PTPRD: variants seen among roughly 807,000 people sequenced by gnomAD.
PTPRD encodes the protein receptor-type tyrosine-protein phosphatase delta.
Under a neutral mutation model 214.5 loss-of-function variants are expected in PTPRD, and 34 were observed. The observed-to-expected ratio is 0.16, with a 90% CI of 0.12 to 0.21. The LOEUF (loss-of-function observed/expected upper bound fraction) is 0.21, where lower values mean the gene tolerates loss of function less well. Among genes scored for constraint, PTPRD ranks in the 10% least tolerant of loss-of-function variants. The probability of loss-of-function intolerance (pLI) is 1.00; values close to 1 mark genes in which losing one functional copy is unlikely to be tolerated. For missense variants in PTPRD, 2,545 were observed against 2,398.7 expected, an observed-to-expected ratio of 1.06 and a Z score of -1.27; for synonymous variants, 1,128 against 845.7, an observed-to-expected ratio of 1.33 and a Z score of -5.79.
intron 11 of PTPRD, among the ~76,000 whole-genome samples, chr9:8,825,731 T>C (rs1446605208): frequency 6.6e-6 from 1 of 152,200 alleles, no homozygotes; most frequent in African/African-American, 2.4e-5. Flanking sequence ...TTGCCCATTG[T>C]TATGGTTATT....
chr9:8,853,403 T>A (rs2097855281), intron 11 of PTPRD, among the ~76,000 whole-genome samples: 1 of 152,182 alleles, frequency 6.6e-6, no homozygotes, highest in Non-Finnish European at 1.5e-5. Flanking sequence ...AGAGTTGAAA[T>A]CCATTTTTAT....
intron 11 of PTPRD, among the ~76,000 whole-genome samples, chr9:8,915,135 G>A (rs1432928712): frequency 6.6e-6 from 1 of 152,120 alleles, no homozygotes; most frequent in African/African-American, 2.4e-5. Context: ...AGTCTCATAT[G>A]TCATGCTCAG....
intron 14 of PTPRD, among the ~76,000 whole-genome samples, chr9:8,619,916 TC>T (rs1177097114): frequency 6.6e-6 from 1 of 151,942 alleles, no homozygotes; most frequent in Non-Finnish European, 1.5e-5. Context: ...AACTTTAGAG[TC>T]AGAAAATCTG....
chr9:8,768,681 CTGTTT>C (rs1240986204), intron 11 of PTPRD, among the ~76,000 whole-genome samples: 2 of 152,182 alleles, frequency 1.3e-5, no homozygotes, highest in Non-Finnish European at 1.5e-5. Context: ...ACTGTTGTTA[CTGTTT>C]TATTTTTCCC....
At chr9:9,465,775 T>A (rs10977785) in intron 8 of PTPRD, among the ~76,000 whole-genome samples, 1 of 151,938 alleles carries the variant, frequency 6.6e-6, no homozygotes, top group Admixed American at 6.6e-5. Flanking sequence ...TATTGTTACA[T>A]CTATGTCAGG....
At chr9:10,405,505 T>G (rs74760705) in intron 2 of PTPRD, among the ~76,000 whole-genome samples, 1 of 133,788 alleles carries the variant, frequency 7.5e-6, no homozygotes, top group Non-Finnish European at 1.6e-5. Context: ...ATATATAGAA[T>G]ATGATTAATT....
rs796526288 is a variant in PTPRD at position 8,335,232 on chromosome 9, G to A, written c.5380-3496C>T. On this transcript the variant is annotated intron_variant, in intron 43 of 45. Coordinates refer to ENST00000381196, the MANE Select transcript of PTPRD (RefSeq NM_002839.4). ...CAGGCCAATATCCCTGATGAACATCGATGCCAAAATCCTCAGTACTGGCAA... is the reference window on the plus strand; with the variant it reads ...CAGGCCAATATCCCTGATGAACATCAATGCCAAAATCCTCAGTACTGGCAA... 6.8e-4 allele frequency among the ~76,000 whole-genome samples: 101 copies of A among 149,356 alleles called. No individual in the cohort carries two copies. In the South Asian group the frequency reaches 0.016, roughly 24 times the overall value.
At chr9:9,475,878 C>T (rs764745382) in intron 8 of PTPRD, among the ~76,000 whole-genome samples, 1 of 152,222 alleles carries the variant, frequency 6.6e-6, no homozygotes, top group East Asian at 1.9e-4. Context: ...TAGAAATAGG[C>T]TTTGGCCTAT....
At chr9:9,158,440 A>G (rs185824398) in intron 10 of PTPRD, among the ~76,000 whole-genome samples, 4 of 152,110 alleles carry the variant, frequency 2.6e-5, no homozygotes, top group African/African-American at 9.6e-5. Flanking sequence ...TCTCTACTAA[A>G]AATACAAAAA....
intron 9 of PTPRD, among the ~76,000 whole-genome samples, chr9:9,217,048 AT>A (rs1214683551): frequency 6.6e-6 from 1 of 151,910 alleles, no homozygotes; most frequent in Non-Finnish European, 1.5e-5. Context: ...CAGTGTTAAC[AT>A]TTTTTTTAAT....
At chr9:9,742,572 T>G (rs966235714) in intron 6 of PTPRD, among the ~76,000 whole-genome samples, 1 of 152,138 alleles carries the variant, frequency 6.6e-6, no homozygotes, top group African/African-American at 2.4e-5. Context: ...GTAGCTCTTG[T>G]TTAGGAACAT....
chr9:9,004,207 A>T (rs889884802), intron 11 of PTPRD, among the ~76,000 whole-genome samples: 5 of 152,010 alleles, frequency 3.3e-5, no homozygotes, highest in Non-Finnish European at 7.4e-5. Flanking sequence ...TAGTGGTATA[A>T]TCTGTAATTT....
At chr9:8,358,842 G>A (rs1468480056) in intron 39 of PTPRD, among the ~76,000 whole-genome samples, 2 of 151,852 alleles carry the variant, frequency 1.3e-5, no homozygotes, top group Non-Finnish European at 2.9e-5. Flanking sequence ...AATTGAATCA[G>A]ATTTCTTGTA....
chr9:9,925,736 G>T (rs532393881), intron 5 of PTPRD, among the ~76,000 whole-genome samples: 2 of 151,828 alleles, frequency 1.3e-5, no homozygotes, highest in East Asian at 3.9e-4. Context: ...TTTCTTCTAT[G>T]CACCTTTTTT....
rs76536022 is a variant in PTPRD at position 8,915,975 on chromosome 9, T to C, written c.-104+102722A>G. 4.4e-3 allele frequency among the ~76,000 whole-genome samples: 670 copies of C among 152,300 alleles called. 7 individuals are homozygous for C. The highest frequency in any genetic ancestry group is 0.016 in the African/African-American group (650 of 41,574). ...CAGGAATGAAGGAGAAGAAGGTGTT[T>C]AGAAAGATCCCTGTCTTTCTGATGT... On this transcript the variant is annotated intron_variant, in intron 11 of 45. Transcript: ENST00000381196.
intron 11 of PTPRD, among the ~76,000 whole-genome samples, chr9:8,869,244 A>G (rs1444620750): frequency 6.6e-6 from 1 of 152,172 alleles, no homozygotes; most frequent in Non-Finnish European, 1.5e-5. Context: ...TAAGGAATTC[A>G]TTTTCTTGAG....
intron 12 of PTPRD, among the ~76,000 whole-genome samples, chr9:8,724,002 T>G (rs1407445539): frequency 2.0e-5 from 3 of 152,220 alleles, no homozygotes; most frequent in African/African-American, 7.2e-5. Context: ...ACAGTGAATT[T>G]AAAACTTTTA....
At chr9:9,765,576 A>T (rs1430616609) in intron 6 of PTPRD, among the ~76,000 whole-genome samples, 1 of 152,208 alleles carries the variant, frequency 6.6e-6, no homozygotes, top group Non-Finnish European at 1.5e-5. Context: ...GACATTGTGA[A>T]TCTATTCAAT....
intron 5 of PTPRD, among the ~76,000 whole-genome samples, chr9:9,872,785 T>C (rs1190521984): frequency 2.0e-5 from 3 of 152,090 alleles, no homozygotes; most frequent in African/African-American, 7.2e-5. Context: ...AAAAAAGTAA[T>C]TGAGTATGTT....
Sources: gnomAD v4.1 joint callset for allele counts (sites outside exome capture counted in the v4.1 genomes callset) on GRCh38, gnomAD v4.1.1 for gene constraint, MANE v1.5 for transcripts, NCBI Gene and HGNC (gene_info 2026-07-23, HGNC 2026-07-21) for gene names.